BRAF: variants seen among roughly 807,000 people sequenced by gnomAD.
BRAF encodes serine/threonine-protein kinase B-raf.
BRAF carries 16 observed loss-of-function variants against 104.6 expected under a neutral mutation model. The observed-to-expected ratio is 0.15, with a 90% CI of 0.10 to 0.23. BRAF has a LOEUF of 0.23. BRAF is among the 10% of genes least tolerant of loss of function. The pLI, the probability that BRAF is intolerant of heterozygous loss-of-function variation, is 1.00. For synonymous variants in BRAF, 310 were observed against 341.6 expected (o/e 0.91, Z 1.02); for missense variants, 541 against 937.3 (o/e 0.58, Z 5.52).
rs2130828687 is a variant in BRAF, at chr7:140,724,948, T to C, written c.*1546A>G. ...AGCTATAACTAGGTTATATTTTCCA[T>C]TTGTGCAAAGATAAGATTTAGGTTC... On this transcript the variant is annotated 3_prime_UTR_variant, in exon 20 of 20. Transcript: ENST00000644969. 1 of 1,042,188 alleles carries C rather than the reference T, an allele frequency of 9.6e-7. No homozygotes were observed. The highest frequency in any genetic ancestry group is 1.7e-5 in the African/African-American group (1 of 59,938). 64.6% of individuals were successfully genotyped at this position (1,042,188 alleles called of 1,614,324 possible). A position where few individuals can be genotyped will look rare whatever the true frequency, so the allele number is the denominator to read the frequency against.
intron 1 of BRAF, among the ~76,000 whole-genome samples, chr7:140,923,252 TAGTA>T (rs1818419835): frequency 6.6e-6 from 1 of 152,042 alleles, no homozygotes; most frequent in South Asian, 2.1e-4. Flanking sequence ...TAGATGTTAA[TAGTA>T]AGTAGCAAAG....
In BRAF at chr7:140,775,734, G is replaced by C. The variant is rs546729515; in HGVS notation, c.1814+1178C>G. Among the ~76,000 whole-genome samples the C allele has an allele frequency of 2.3e-3, 348 of 152,302 alleles. 2 individuals are homozygous for C. The highest frequency in any genetic ancestry group is 4.1e-3 in the Non-Finnish European group (282 of 68,026). ...GATTGTTTCAAGTCTAGGGGTAAGT[G>C]GGGGTGTTACTGAATAAGGTAATAA... On this transcript the variant is annotated intron_variant, in intron 14 of 19. Coordinates refer to ENST00000644969, the MANE Select transcript of BRAF (RefSeq NM_001374258.1).
At chr7:140,798,262 C>CT (rs1025673669) in intron 7 of BRAF, among the ~76,000 whole-genome samples, 1,156 of 32,586 alleles carry the variant, frequency 0.035, 6 homozygotes, top group Non-Finnish European at 0.045. Context: ...TGTATGGGGA[C>CT]TTTTTTTTTC....
At chr7:140,823,840 T>C (rs1253789162) in intron 3 of BRAF, 1 of 152,264 alleles carries the variant, frequency 6.6e-6, no homozygotes, top group Non-Finnish European at 1.5e-5. Context: ...CTTTTTTGTC[T>C]GATAGCCGAC....
chr7:140,829,380 G>T (rs17161736), intron 3 of BRAF, among the ~76,000 whole-genome samples: 13,466 of 139,432 alleles, frequency 0.097, 2,037 homozygotes, highest in African/African-American at 0.33. Flanking sequence ...TCTTGATTCT[G>T]ATAGAATTTA....
chr7:140,737,214 C>T (rs1383975959), intron 18 of BRAF, among the ~76,000 whole-genome samples: 1 of 152,128 alleles, frequency 6.6e-6, no homozygotes, highest in Non-Finnish European at 1.5e-5. Flanking sequence ...AAATAGGTTA[C>T]ATAGCACAGA....
At chr7:140,752,468 G>A (rs775428296) in intron 16 of BRAF, among the ~76,000 whole-genome samples, 1 of 152,172 alleles carries the variant, frequency 6.6e-6, no homozygotes, top group African/African-American at 2.4e-5. Context: ...AAGATCTTGT[G>A]GACCCTCTAA....
In BRAF at chr7:140,720,890, T is replaced by C. The variant is rs924543012; in HGVS notation, c.*5604A>G. 8.9e-5 allele frequency: 95 copies of C among 1,066,084 alleles called. 1 individual carries two copies. In the African/African-American group the frequency reaches 1.4e-3, roughly 16 times the overall value. The allele number at this position is 1,066,084 out of a possible 1,614,324, so 66.0% of individuals were successfully genotyped here. ...GTCAACAGACCCTTCCTTTGCGGCA[T>C]CTCTTCACAAATTTTCTGCCAACTC... is the stretch of plus-strand genomic sequence containing the variant. On this transcript the variant is annotated 3_prime_UTR_variant, in exon 20 of 20. Transcript: ENST00000644969.
chr7:140,850,787 G>T (rs1467173645), intron 1 of BRAF, among the ~76,000 whole-genome samples: 1 of 151,876 alleles, frequency 6.6e-6, no homozygotes, highest in African/African-American at 2.4e-5. Flanking sequence ...GGGTTAGGTG[G>T]GCATAGACAA....
intron 1 of BRAF, among the ~76,000 whole-genome samples, chr7:140,914,856 G>A (rs1817405325): frequency 6.6e-6 from 1 of 150,460 alleles, no homozygotes; most frequent in South Asian, 2.1e-4. Flanking sequence ...TAGCTAACAT[G>A]GTGAAATCCC....
intron 1 of BRAF, among the ~76,000 whole-genome samples, chr7:140,891,480 G>T (rs1181726976): frequency 6.6e-6 from 1 of 152,018 alleles, no homozygotes; most frequent in Admixed American, 6.6e-5. Flanking sequence ...TTGTTATACT[G>T]TATTATCTTG....
rs1319102744 is a variant in BRAF, at chr7:140,724,382, G to GA, written c.*2111dup. On this transcript the variant is annotated 3_prime_UTR_variant, in exon 20 of 20. Coordinates refer to ENST00000644969, the MANE Select transcript of BRAF (RefSeq NM_001374258.1). ...AAGCATCTAGAGATATATTTAAAAA[G>GA]AAAAAACAGCCAATGCTTTTCAAGA... 5 of 1,055,068 alleles carry GA rather than the reference G, an allele frequency of 4.7e-6. No individual in the cohort carries two copies. In the African/African-American group the frequency reaches 5.0e-5, roughly 10 times the overall value. The allele number at this position is 1,055,068 out of a possible 1,614,324, so 65.4% of individuals were successfully genotyped here.
intron 2 of BRAF, among the ~76,000 whole-genome samples, chr7:140,837,687 C>T (rs138753863): frequency 6.6e-6 from 1 of 152,332 alleles, no homozygotes; most frequent in African/African-American, 2.4e-5. Flanking sequence ...CTTCACACTA[C>T]TGCCTGAAAA....
At chr7:140,716,621 A>T (rs1299183157), downstream of BRAF, among the ~76,000 whole-genome samples, 1 of 152,198 alleles carries the variant, frequency 6.6e-6, no homozygotes, top group Non-Finnish European at 1.5e-5. Context: ...CTTCCTGATG[A>T]GCAGCTACAA....
chr7:140,838,770 T>A (rs1435966243), intron 2 of BRAF, among the ~76,000 whole-genome samples: 2 of 152,102 alleles, frequency 1.3e-5, no homozygotes, highest in Non-Finnish European at 2.9e-5. Flanking sequence ...AACACACATA[T>A]AGAACAGAAT....
At chr7:140,740,338 G>A (rs529973639) in intron 17 of BRAF, 13 of 165,406 alleles carry the variant, frequency 7.9e-5, no homozygotes, top group South Asian at 1.6e-4. Flanking sequence ...CTCTATATAT[G>A]TGTAGGGAAA....
chr7:140,777,193 CTTTT>C, intron 13 of BRAF, 105 bp from the exon 13 acceptor site: 2 of 976,756 alleles, frequency 2.0e-6, no homozygotes, highest in South Asian at 3.5e-5. Flanking sequence ...TCAGAAAAAG[CTTTT>C]TTTTTTTTAA....
chr7:140,719,723 TA>T lies in BRAF; in HGVS notation c.*6770del. 9.4e-7 allele frequency: 1 copy of T among 1,061,794 alleles called. No individual in the cohort carries two copies. Among genetic ancestry groups the T allele is most frequent in the Non-Finnish European group, 1.1e-6 (1 of 877,042 alleles). The allele number at this position is 1,061,794 out of a possible 1,614,324, so 65.8% of individuals were successfully genotyped here. A position where few individuals can be genotyped will look rare whatever the true frequency, so the allele number is the denominator to read the frequency against. ...AATGTCTTTTTTATGAATTGAAAAA[TA>T]AGCTTTAAAAATAGTTACTCCATTG... On this transcript the variant is annotated 3_prime_UTR_variant, in exon 20 of 20. Transcript: ENST00000644969.
chr7:140,861,157 A>T (rs1479600801), intron 1 of BRAF, among the ~76,000 whole-genome samples: 1 of 152,222 alleles, frequency 6.6e-6, no homozygotes, highest in Non-Finnish European at 1.5e-5. Flanking sequence ...ACAGTTTGCA[A>T]ACCGTGGAGA....
Sources: gnomAD v4.1 joint callset for allele counts (sites outside exome capture counted in the v4.1 genomes callset) on GRCh38, gnomAD v4.1.1 for gene constraint, MANE v1.5 for transcripts, NCBI Gene and HGNC (gene_info 2026-07-23, HGNC 2026-07-21) for gene names.